The following TP63 variants were observed in gnomAD, a reference collection of about 807,000 sequenced individuals.
The protein encoded by TP63 is tumor protein p63.
A neutral mutation model predicts 82.8 loss-of-function variants in TP63; 17 were observed. That is an observed-to-expected ratio of 0.21 (90% CI 0.14 to 0.31). TP63 has a LOEUF of 0.31. TP63 is among the 10% of genes least tolerant of loss of function. The probability of loss-of-function intolerance (pLI) is 1.00; values close to 1 mark genes in which losing one functional copy is unlikely to be tolerated. For synonymous variants in TP63, 330 were observed against 321.7 expected (o/e 1.03, Z -0.28); for missense variants, 648 against 895.3 (o/e 0.72, Z 3.52).
chr3:189,884,908 G>A (rs1436744669), intron 10 of TP63, among the ~76,000 whole-genome samples: 2 of 152,062 alleles, frequency 1.3e-5, no homozygotes, highest in Non-Finnish European at 2.9e-5. Context: ...AATGCAGAGT[G>A]GCAGCTTCGA....
chr3:189,735,120 G>A (rs1456594924), intron 1 of TP63, among the ~76,000 whole-genome samples: 2 of 152,030 alleles, frequency 1.3e-5, no homozygotes, highest in African/African-American at 4.8e-5. Context: ...AGATCCCATT[G>A]CCATTGAGTA....
intron 4 of TP63, among the ~76,000 whole-genome samples, chr3:189,861,736 T>C (rs1426491693): frequency 1.3e-5 from 2 of 152,156 alleles, no homozygotes; most frequent in Admixed American, 6.5e-5. Flanking sequence ...TGTAATTGAT[T>C]CAGAAAAGAA....
rs1338996889 is a variant in TP63, at chr3:189,765,008, A to AT, written c.324+26239dup. Among the ~76,000 whole-genome samples, 23 of 152,274 alleles carry AT rather than the reference A, an allele frequency of 1.5e-4. 1 individual carries two copies. In the Middle Eastern group the frequency reaches 0.01, roughly 68 times the overall value. Reference sequence around the variant, plus strand: ...AGATGTCTGGGTGGGGTATCAGATGATTTTTCTGTAATCAAAGCTTTATTG... The same window carrying AT: ...AGATGTCTGGGTGGGGTATCAGATGATTTTTTCTGTAATCAAAGCTTTATTG... On this transcript the variant is annotated intron_variant, in intron 3 of 13. Coordinates refer to ENST00000264731, the MANE Select transcript of TP63 (RefSeq NM_003722.5).
At position 189,868,682 on chromosome 3, in the gene TP63, G is replaced by T. The variant is rs748609799; in HGVS notation, c.1095G>T (p.Ser365=). 6.2e-7 allele frequency: 1 copy of T among 1,614,030 alleles called. No individual in the cohort carries two copies. Among genetic ancestry groups the T allele is most frequent in the South Asian group, 1.1e-5 (1 of 91,072 alleles). Residue 365 remains serine, a synonymous_variant, in exon 8 of 14, where the codon TCG becomes TCT. Transcript: ENST00000264731. ...DEDSIRKQQV[S]DSTKNGDGTK... ...ATAGCATCAGAAAGCAGCAAGTTTC[G>T]GACAGTACAAAGAACGGTGATGGTA...
chr3:189,664,223 A>G (rs10937403), intron 1 of TP63, among the ~76,000 whole-genome samples: 66,832 of 151,984 alleles, frequency 0.44, 16,089 homozygotes, highest in Middle Eastern at 0.69. Context: ...TGTGAACAGC[A>G]ACAGGAATAT....
rs151084763 is a variant in TP63, at chr3:189,683,993, C to G, written c.62+52416C>G. Among the ~76,000 whole-genome samples the G allele has an allele frequency of 1.2e-4, 19 of 152,296 alleles. No individual in the cohort carries two copies. The East Asian group carries it at 3.5e-3, about 28-fold the overall frequency. ...CAAGGTTTGATTACACCCTGGACATCTGCAGCTTCAGCAACTGCAGGAAAG... is the reference window on the plus strand; with the variant it reads ...CAAGGTTTGATTACACCCTGGACATGTGCAGCTTCAGCAACTGCAGGAAAG... On this transcript the variant is annotated intron_variant, in intron 1 of 13. Transcript: ENST00000264731.
At chr3:189,678,121 G>A (rs1369386196) in intron 1 of TP63, among the ~76,000 whole-genome samples, 2 of 151,806 alleles carry the variant, frequency 1.3e-5, no homozygotes, top group East Asian at 1.9e-4. Flanking sequence ...GTCTATTTTG[G>A]ATTTTTTTCT....
chr3:189,862,978 G>C (rs976189183), intron 4 of TP63, among the ~76,000 whole-genome samples: 3 of 152,162 alleles, frequency 2.0e-5, no homozygotes, highest in African/African-American at 7.2e-5. Context: ...GAAAAGGAAA[G>C]GTCATTTAAA....
chr3:189,725,680 T>G (rs2108776160), intron 1 of TP63, among the ~76,000 whole-genome samples: 1 of 151,972 alleles, frequency 6.6e-6, no homozygotes, highest in South Asian at 2.1e-4. Flanking sequence ...AATGTGAGTG[T>G]GTGAATTCTC....
chr3:189,779,106 G>A (rs1286535515), intron 3 of TP63, among the ~76,000 whole-genome samples: 1 of 152,068 alleles, frequency 6.6e-6, no homozygotes, highest in Non-Finnish European at 1.5e-5. Context: ...ATCATTATCA[G>A]GAGGCTACAG....
At chr3:189,772,786 G>A (rs773714894) in intron 3 of TP63, among the ~76,000 whole-genome samples, 7 of 152,146 alleles carry the variant, frequency 4.6e-5, no homozygotes, top group Non-Finnish European at 8.8e-5. Context: ...GCTAAGCAGG[G>A]GATCAAATCC....
chr3:189,658,567 C>T (rs9835487), intron 1 of TP63, among the ~76,000 whole-genome samples: 51,481 of 151,780 alleles, frequency 0.34, 9,086 homozygotes, highest in Non-Finnish European at 0.38. Context: ...GCTTTGATCC[C>T]CCTTGGTTTT....
rs751370344 is a variant in TP63 at position 189,808,277 on chromosome 3, G to A, written c.330G>A (p.Gln110=). The change falls in exon 4 of 14, where the codon CAG becomes CAA. Residue 110 remains glutamine (Q), a synonymous_variant. Transcript: ENST00000264731. ...GTTTCTGGGTGTCCTTGCAGCCACA[G>A]TACACGAACCTGGGGCTCCTGAACA... is the stretch of plus-strand genomic sequence containing the variant. The part of the protein sequence containing the change: ...DSDLSDPMWP[Q]YTNLGLLNSM... 3 of 1,614,084 alleles carry A rather than the reference G, an allele frequency of 1.9e-6. No individual in the cohort carries two copies. The highest frequency in any genetic ancestry group is 2.5e-6 in the Non-Finnish European group (3 of 1,180,050).
At chr3:189,686,995 C>T (rs537300344) in intron 1 of TP63, among the ~76,000 whole-genome samples, 2 of 152,064 alleles carry the variant, frequency 1.3e-5, no homozygotes, top group African/African-American at 4.8e-5. Flanking sequence ...TCCCCAAGTA[C>T]TGGGATTACA....
chr3:189,632,823 G>C (rs1314645123), intron 1 of TP63, among the ~76,000 whole-genome samples: 1 of 151,964 alleles, frequency 6.6e-6, no homozygotes, highest in African/African-American at 2.4e-5. Flanking sequence ...GGATTGGGTT[G>C]ATTAAAAAGA....
In TP63 at chr3:189,681,744, A is replaced by G. The variant is rs1920283; in HGVS notation, c.62+50167A>G. 0.32 allele frequency among the ~76,000 whole-genome samples: 48,310 copies of G among 151,808 alleles called. 8,045 individuals carry two copies. Among genetic ancestry groups the G allele is most frequent in the African/African-American group, 0.41 (16,982 of 41,336 alleles). ...TCTAAAAGTAAATATTTTCCAAAAA[A>G]TAGGGTACAATATATGGATACTTCC... On this transcript the variant is annotated intron_variant, in intron 1 of 13. Transcript: ENST00000264731.
chr3:189,615,385 G>T, the TP63 span, among the ~76,000 whole-genome samples: 1 of 152,184 alleles, frequency 6.6e-6, no homozygotes, highest in South Asian at 2.1e-4. Flanking sequence ...TTAATGTCAC[G>T]TAGGCTTACC....
intron 1 of TP63, among the ~76,000 whole-genome samples, chr3:189,637,293 C>G (rs1233373514): frequency 6.6e-6 from 1 of 151,942 alleles, no homozygotes; most frequent in African/African-American, 2.4e-5. Flanking sequence ...AGACGTTAAA[C>G]AAAACATTTT....
intron 1 of TP63, among the ~76,000 whole-genome samples, chr3:189,735,107 C>T (rs1444142366): frequency 6.6e-6 from 1 of 152,126 alleles, no homozygotes; most frequent in Non-Finnish European, 1.5e-5. Flanking sequence ...GTCTTATCTT[C>T]CTAGATCCCA....
Sources: gnomAD v4.1 joint callset for allele counts (sites outside exome capture counted in the v4.1 genomes callset) on GRCh38, gnomAD v4.1.1 for gene constraint, MANE v1.5 for transcripts, NCBI Gene and HGNC (gene_info 2026-07-23, HGNC 2026-07-21) for gene names.